Variants in WWOX observed in about 807,000 individuals in gnomAD.
The protein encoded by WWOX is WW domain containing oxidoreductase, also known as WW domain-containing oxidoreductase.
A neutral mutation model predicts 46.2 loss-of-function variants in WWOX; 69 were observed. The observed-to-expected ratio is 1.49, with a 90% CI of 1.23 to 1.82. WWOX has a LOEUF of 1.82. Among genes scored for constraint, WWOX ranks in the 40% most tolerant of loss-of-function variants. The pLI is 0.00. For missense variants in WWOX, 919 were observed against 542.6 expected (o/e 1.69, Z -6.89); for synonymous variants, 359 against 202.6 (o/e 1.77, Z -6.56).
intron 5 of WWOX, among the ~76,000 whole-genome samples, chr16:78,208,406 A>G (rs1273043447): frequency 6.6e-6 from 1 of 152,202 alleles, no homozygotes; most frequent in Non-Finnish European, 1.5e-5. Context: ...TGTATATGAA[A>G]CGGTGAGAAA....
chr16:78,826,403 A>G (rs749812227), intron 8 of WWOX, among the ~76,000 whole-genome samples: 2 of 152,180 alleles, frequency 1.3e-5, no homozygotes, highest in African/African-American at 2.4e-5. Context: ...GACATTCAGA[A>G]TCAAGGCAGG....
intron 8 of WWOX, among the ~76,000 whole-genome samples, chr16:78,556,304 A>G (rs1367456507): frequency 1.3e-5 from 2 of 151,724 alleles, no homozygotes; most frequent in African/African-American, 2.4e-5. Context: ...AGACATGGAG[A>G]CAGTCGGCGA....
intron 8 of WWOX, among the ~76,000 whole-genome samples, chr16:79,136,903 G>C (rs2049992025): frequency 6.6e-6 from 1 of 152,188 alleles, no homozygotes; most frequent in Non-Finnish European, 1.5e-5. Context: ...TGTCCAACCT[G>C]CAGGAGGCAG....
At chr16:78,180,776 A>G (rs1567615661) in intron 5 of WWOX, among the ~76,000 whole-genome samples, 1 of 152,136 alleles carries the variant, frequency 6.6e-6, no homozygotes, top group African/African-American at 2.4e-5. Context: ...AGTAGGGGGC[A>G]TATGTTAGGG....
intron 8 of WWOX, among the ~76,000 whole-genome samples, chr16:78,681,238 CATAAATAA>C (rs377376006): frequency 6.6e-6 from 1 of 151,788 alleles, no homozygotes; most frequent in Non-Finnish European, 1.5e-5. Flanking sequence ...AAGACTGTCT[CATAAATAA>C]ATAAATAAAT....
intron 8 of WWOX, among the ~76,000 whole-genome samples, chr16:78,438,901 G>A (rs144874959): frequency 7.9e-5 from 12 of 152,216 alleles, no homozygotes; most frequent in African/African-American, 2.6e-4. Context: ...TCTAACCTTC[G>A]TGAAAGCCAA....
intron 5 of WWOX, among the ~76,000 whole-genome samples, chr16:78,242,623 T>A (rs953782827): frequency 2.0e-5 from 3 of 152,170 alleles, no homozygotes; most frequent in Admixed American, 1.3e-4. Flanking sequence ...CAGGGTGACC[T>A]CCTGAGTCCC....
intron 8 of WWOX, among the ~76,000 whole-genome samples, chr16:78,735,117 T>G (rs2049055809): frequency 6.6e-6 from 1 of 151,920 alleles, no homozygotes; most frequent in East Asian, 2.0e-4. Context: ...TCCACCTGCC[T>G]TGACGTCGCA....
chr16:78,569,303 C>A (rs79221862), intron 8 of WWOX, among the ~76,000 whole-genome samples: 7,236 of 152,212 alleles, frequency 0.048, 233 homozygotes, highest in Middle Eastern at 0.092. Context: ...AGGCAGTTTT[C>A]CTTTATAAAA....
At chr16:78,390,793 A>G (rs185382495) in intron 6 of WWOX, among the ~76,000 whole-genome samples, 64 of 152,326 alleles carry the variant, frequency 4.2e-4, no homozygotes, top group African/African-American at 1.5e-3. Context: ...TGTGTGTAAA[A>G]CATAATGACA....
intron 4 of WWOX, among the ~76,000 whole-genome samples, chr16:78,119,468 G>C (rs1446050555): frequency 6.6e-6 from 1 of 151,972 alleles, no homozygotes; most frequent in Non-Finnish European, 1.5e-5. Flanking sequence ...TTCTAATGAG[G>C]GATTAGTTGG....
At chr16:79,136,036 A>G (rs1168236674) in intron 8 of WWOX, among the ~76,000 whole-genome samples, 1 of 152,104 alleles carries the variant, frequency 6.6e-6, no homozygotes, top group Non-Finnish European at 1.5e-5. Flanking sequence ...CTGTGCAGCA[A>G]TTTTAACTTT....
intron 5 of WWOX, among the ~76,000 whole-genome samples, chr16:78,311,422 G>T (rs1181403850): frequency 6.6e-6 from 1 of 152,224 alleles, no homozygotes; most frequent in Non-Finnish European, 1.5e-5. Context: ...TATGCTGAAA[G>T]GTACTCAAAC....
chr16:78,844,200 T>A (rs984728444), intron 8 of WWOX, among the ~76,000 whole-genome samples: 8 of 152,144 alleles, frequency 5.3e-5, no homozygotes, highest in Non-Finnish European at 8.8e-5. Context: ...CTTCCCCTCT[T>A]TTGGAAACCA....
At chr16:78,383,514 C>G (rs534044226) in intron 5 of WWOX, among the ~76,000 whole-genome samples, 1 of 152,274 alleles carries the variant, frequency 6.6e-6, no homozygotes, top group African/African-American at 2.4e-5. Context: ...TTGTCCTCGC[C>G]TAACAATCAG....
In WWOX at chr16:78,186,237, TA is replaced by T. The variant is rs1473342873; in HGVS notation, c.516+21949del. On this transcript the variant is annotated intron_variant, in intron 5 of 8. Transcript: ENST00000566780. ...GAAGTTCATTTAATCTGTTTCTTTT[TA>T]CCTTTTTTTTTTTTTGACACGGCTC... 5.0e-3 allele frequency among the ~76,000 whole-genome samples: 752 copies of T among 149,710 alleles called. 7 individuals are homozygous for T. The highest frequency in any genetic ancestry group is 0.018 in the African/African-American group (719 of 40,356).
At chr16:78,758,786 A>G (rs949122107) in intron 8 of WWOX, among the ~76,000 whole-genome samples, 8 of 152,148 alleles carry the variant, frequency 5.3e-5, no homozygotes, top group Non-Finnish European at 7.4e-5. Flanking sequence ...AATGATGTAT[A>G]CAAGACATTA....
At chr16:78,727,332 G>T (rs748265040) in intron 8 of WWOX, among the ~76,000 whole-genome samples, 4 of 152,134 alleles carry the variant, frequency 2.6e-5, no homozygotes, top group African/African-American at 4.8e-5. Context: ...CCGGAAGGCG[G>T]AGGTTTCAGT....
intron 5 of WWOX, among the ~76,000 whole-genome samples, chr16:78,333,707 C>G (rs1451644409): frequency 1.3e-5 from 2 of 152,160 alleles, no homozygotes; most frequent in African/African-American, 2.4e-5. Context: ...TATGTATGTA[C>G]ATAGACTTGA....
Sources: allele counts gnomAD v4.1 joint callset (sites outside exome capture counted in the v4.1 genomes callset), GRCh38; gene constraint gnomAD v4.1.1; transcripts MANE v1.5; gene names NCBI Gene and HGNC (gene_info 2026-07-23, HGNC 2026-07-21).